SIK3: variants seen among roughly 807,000 people sequenced by gnomAD.
The protein encoded by SIK3 is serine/threonine-protein kinase SIK3.
SIK3 carries 28 observed loss-of-function variants against 144.2 expected under a neutral mutation model. The observed-to-expected ratio is 0.19, with a 90% confidence interval of 0.14 to 0.27. The LOEUF (loss-of-function observed/expected upper bound fraction) is 0.27. Ranked by LOEUF, SIK3 falls within the 10% of genes least tolerant of loss-of-function variation. SIK3 has a pLI of 1.00. For synonymous variants in SIK3, 686 were observed against 676.3 expected, an observed-to-expected ratio of 1.01 and a Z score of -0.22; for missense variants, 1,319 against 1,776.0, an observed-to-expected ratio of 0.74 and a Z score of 4.62.
At chr11:116,902,041 C>T (rs940428700) in intron 4 of SIK3, among the ~76,000 whole-genome samples, 6 of 152,180 alleles carry the variant, frequency 3.9e-5, no homozygotes, top group East Asian at 1.9e-4. Context: ...TTCACCAGGT[C>T]CTTTTCCATG....
intron 1 of SIK3, among the ~76,000 whole-genome samples, chr11:116,980,343 C>G (rs1006537910): frequency 1.3e-5 from 2 of 152,122 alleles, no homozygotes; most frequent in African/African-American, 4.8e-5. Context: ...CTTCCTCAAC[C>G]CTCTTTTCCG....
At chr11:116,911,950 G>A (rs1051628803) in intron 4 of SIK3, among the ~76,000 whole-genome samples, 12 of 152,212 alleles carry the variant, frequency 7.9e-5, no homozygotes, top group Non-Finnish European at 1.3e-4. Context: ...AGAAACAGAA[G>A]AAGCTGGTTA....
chr11:117,030,260 T>G (rs970942097), intron 1 of SIK3, among the ~76,000 whole-genome samples: 2 of 152,348 alleles, frequency 1.3e-5, no homozygotes, highest in East Asian at 3.9e-4. Flanking sequence ...CCTCTAAGAA[T>G]GTATTGTAAG....
chr11:116,954,028 C>A lies in SIK3; in HGVS notation c.454+16G>T. On this transcript the variant is annotated intron_variant, in intron 3 of 24. Transcript: ENST00000445177. Reference sequence around the variant, plus strand: ...GTGCTCAATAGCTGTTTAAAGAATGCAATAAATGTACTTACCAAATATTTC... The same window carrying A: ...GTGCTCAATAGCTGTTTAAAGAATGAAATAAATGTACTTACCAAATATTTC... 1 of 1,609,300 alleles carries A rather than the reference C, an allele frequency of 6.2e-7. No individual in the cohort carries two copies. Among genetic ancestry groups the A allele is most frequent in the Non-Finnish European group, 8.5e-7 (1 of 1,176,136 alleles).
At chr11:116,996,656 C>A (rs1250139158) in intron 1 of SIK3, among the ~76,000 whole-genome samples, 1 of 151,670 alleles carries the variant, frequency 6.6e-6, no homozygotes, top group Admixed American at 6.6e-5. Flanking sequence ...CCCATCTCTA[C>A]TAGAAATATG....
At chr11:117,038,748 C>G (rs1003112883) in intron 1 of SIK3, among the ~76,000 whole-genome samples, 2 of 152,092 alleles carry the variant, frequency 1.3e-5, no homozygotes, top group African/African-American at 4.8e-5. Flanking sequence ...AGCTAAGATT[C>G]TTCGAAATAT....
chr11:116,888,945 G>A lies in SIK3; in HGVS notation c.865+7308C>T, dbSNP rs138186145. Among the ~76,000 whole-genome samples, 784 of 152,272 alleles carry A rather than the reference G, an allele frequency of 5.1e-3. 7 individuals are homozygous for A. The highest frequency in any genetic ancestry group is 0.018 in the African/African-American group (742 of 41,540). ...GGACCCCCTATCTGAAGCCGGCTCC[G>A]GGAAGGGTTCAGTAAGAATCTCTTG... On this transcript the variant is annotated intron_variant, in intron 6 of 24. Transcript: ENST00000445177.
At chr11:116,982,968 AAT>A (rs1173713211) in intron 1 of SIK3, among the ~76,000 whole-genome samples, 2 of 144,100 alleles carry the variant, frequency 1.4e-5, no homozygotes, top group Non-Finnish European at 3.0e-5. Flanking sequence ...AAAAAAAAAA[AAT>A]TTCTGACCCG....
chr11:117,076,653 G>T (rs1421870762), intron 1 of SIK3, among the ~76,000 whole-genome samples: 1 of 151,968 alleles, frequency 6.6e-6, no homozygotes, highest in Non-Finnish European at 1.5e-5. Context: ...AGACTCCCAA[G>T]TAGCTGGGAT....
intron 14 of SIK3, chr11:116,870,046 G>A: frequency 7.9e-7 from 1 of 1,258,394 alleles, no homozygotes; most frequent in Non-Finnish European, 1.1e-6. Flanking sequence ...TATCAGAGTT[G>A]CAATATGAAG....
chr11:117,017,915 C>T (rs913619986), intron 1 of SIK3, among the ~76,000 whole-genome samples: 4 of 152,114 alleles, frequency 2.6e-5, no homozygotes, highest in African/African-American at 9.7e-5. Context: ...TATACTATTA[C>T]ATGACATGAT....
At chr11:117,020,076 C>A (rs1951702249) in intron 1 of SIK3, among the ~76,000 whole-genome samples, 2 of 151,924 alleles carry the variant, frequency 1.3e-5, no homozygotes, top group Admixed American at 1.3e-4. Context: ...TAAAAACATA[C>A]AACCTTCCAA....
chr11:117,020,575 G>A (rs1951728202), intron 1 of SIK3, among the ~76,000 whole-genome samples: 1 of 152,094 alleles, frequency 6.6e-6, no homozygotes, highest in African/African-American at 2.4e-5. Flanking sequence ...AGGGGCTGAA[G>A]GTTGCACTGA....
chr11:116,859,514 A>T lies in SIK3; in HGVS notation c.2516T>A (p.Val839Glu), dbSNP rs1943189055. The T allele has an allele frequency of 1.2e-6, 2 of 1,614,194 alleles. No homozygotes were observed. The highest frequency in any genetic ancestry group is 1.7e-6 in the Non-Finnish European group (2 of 1,180,042). Residue 839 changes from valine to glutamate, a missense_variant, in exon 20 of 25, where the codon GTG becomes GAG. Physicochemically the swap from Val to Glu is moderately radical, Grantham distance 121 (BLOSUM62 -2). Coordinates refer to ENST00000445177, the MANE Select transcript of SIK3 (RefSeq NM_001366686.3). ...QPENCSSPPNVALTCLGMQQP... is the reference protein window; with the variant it reads ...QPENCSSPPNEALTCLGMQQP... ...CTGCATACCCAAGCAGGTTAGTGCC[A>T]CGTTGGGAGGAGAGGAACAGTTCTC...
At chr11:116,885,838 C>A (rs752913634) in intron 6 of SIK3, among the ~76,000 whole-genome samples, 14 of 152,190 alleles carry the variant, frequency 9.2e-5, no homozygotes, top group Non-Finnish European at 1.8e-4. Context: ...TGTTACTTAA[C>A]CTTATCATGC....
chr11:117,035,296 A>G (rs569216392), intron 1 of SIK3, among the ~76,000 whole-genome samples: 3 of 152,352 alleles, frequency 2.0e-5, no homozygotes, highest in African/African-American at 7.2e-5. Flanking sequence ...GATGCAGATA[A>G]TATGTTCTAA....
intron 1 of SIK3, among the ~76,000 whole-genome samples, chr11:117,081,346 G>A (rs182768031): frequency 1.8e-4 from 28 of 152,306 alleles, no homozygotes; most frequent in African/African-American, 4.8e-4. Flanking sequence ...GCTAGAGGCC[G>A]GGCGCAGTGG....
chr11:116,987,041 T>C (rs886235692), intron 1 of SIK3, among the ~76,000 whole-genome samples: 42 of 152,248 alleles, frequency 2.8e-4, no homozygotes, highest in Admixed American at 7.2e-4. Flanking sequence ...TGGAGATTGA[T>C]TGCACAACTA....
intron 1 of SIK3, among the ~76,000 whole-genome samples, chr11:117,015,743 A>T (rs2135711040): frequency 6.6e-6 from 1 of 152,190 alleles, no homozygotes; most frequent in South Asian, 2.1e-4. Context: ...CTAATTTTGT[A>T]CTTTTAGTAG....
Sources: allele counts gnomAD v4.1 joint callset (sites outside exome capture counted in the v4.1 genomes callset), GRCh38; gene constraint gnomAD v4.1.1; transcripts MANE v1.5; gene names NCBI Gene and HGNC (gene_info 2026-07-23, HGNC 2026-07-21).